DNAJC7: variants seen among roughly 807,000 people sequenced by gnomAD.
DNAJC7 encodes the protein dnaJ homolog subfamily C member 7.
In DNAJC7, 18 loss-of-function variants were observed where a neutral mutation model predicts 67.4. The observed-to-expected ratio is 0.27, with a 90% confidence interval of 0.18 to 0.40. The LOEUF (loss-of-function observed/expected upper bound fraction) is 0.40. Among genes scored for constraint, DNAJC7 ranks in the 10% least tolerant of loss-of-function variants. The pLI is 1.00. For missense variants in DNAJC7, 419 were observed against 613.8 expected (o/e 0.68, Z 3.35); for synonymous variants, 220 against 207.8 (o/e 1.06, Z -0.50).
At chr17:42,000,459 C>T (rs561228827) in intron 2 of DNAJC7, 23 bp downstream of exon 2, 18 of 1,541,068 alleles carry the variant, frequency 1.2e-5, no homozygotes, top group Admixed American at 1.1e-4. Context: ...TGTTTTCTAG[C>T]GTAAGTATCA....
At position 41,996,344 on chromosome 17, in the gene DNAJC7, T is replaced by A; in HGVS notation, c.372A>T (p.Glu124Asp). Residue 124 changes from glutamate (E) to aspartate (D), a missense_variant, in exon 4 of 14, where the codon GAA becomes GAT. Physicochemically the swap from Glu to Asp is conservative, Grantham distance 45 (BLOSUM62 2). Transcript: ENST00000457167. ...GTGCCTGAGCATTTTTATGATCCAG[T>A]TCTAGGGCTCTCTGGAAGCTGCGAC... ...AACRSFQRAL[E>D]LDHKNAQAQQ... The A allele has an allele frequency of 1.2e-6, 2 of 1,613,850 alleles. No individual in the cohort carries two copies. Among genetic ancestry groups the A allele is most frequent in the South Asian group, 2.2e-5 (2 of 91,074 alleles).
At chr17:42,007,765 C>G (rs1297086641) in intron 1 of DNAJC7, among the ~76,000 whole-genome samples, 1 of 151,000 alleles carries the variant, frequency 6.6e-6, no homozygotes, top group Non-Finnish European at 1.5e-5. Flanking sequence ...CTCAGGCAAT[C>G]CACCTCCTCA....
At chr17:41,982,932 C>T (rs2051286965) in intron 10 of DNAJC7, among the ~76,000 whole-genome samples, 1 of 151,152 alleles carries the variant, frequency 6.6e-6, no homozygotes, top group Non-Finnish European at 1.5e-5. Flanking sequence ...TGCACTCCAG[C>T]CTGGGTGACA....
chr17:41,980,924 G>T (rs557509041), intron 12 of DNAJC7, among the ~76,000 whole-genome samples: 1 of 152,156 alleles, frequency 6.6e-6, no homozygotes, highest in South Asian at 2.1e-4. Flanking sequence ...CTTATGGCCT[G>T]TGAGCTCTGA....
rs782396782 is a variant in DNAJC7, at chr17:41,982,272, G to A, written c.1214C>T (p.Ala405Val). Residue 405 changes from alanine to valine, a missense_variant, in exon 11 of 14, where the codon GCC (alanine) becomes GTC (valine). Ala to Val is a moderately conservative substitution (Grantham distance 64, BLOSUM62 0). This residue lies in a region of DNAJC7 where 161 missense variants were observed against 252.2 expected (regional missense o/e 0.64). Transcript: ENST00000457167. ...TACTCTACCTGGATGGTGCATCAAG[G>A]CCCGTTTCCGATAAGCTTTCTTGAT... is the stretch of plus-strand genomic sequence containing the variant. ...DEIKKAYRKRALMHHPDRHSG... is the reference protein window; with the variant it reads ...DEIKKAYRKRVLMHHPDRHSG... 6.2e-7 allele frequency: 1 copy of A among 1,613,942 alleles called. No individual in the cohort carries two copies. Among genetic ancestry groups the A allele is most frequent in the East Asian group, 2.2e-5 (1 of 44,858 alleles).
In DNAJC7 at chr17:41,989,414, A is replaced by G; in HGVS notation, c.743T>C (p.Ile248Thr). ...GTGACTAGAACTTACTCTGCAGGCA[A>G]TGCAGGCCTTCTCGTGGTCAGGAGC... ...RMAPDHEKAC[I>T]ACRNAKALKA... Residue 248 changes from isoleucine to threonine, a missense_variant, in exon 7 of 14, where the codon ATT (isoleucine) becomes ACT (threonine). Physicochemically the swap from Ile to Thr is moderately conservative, Grantham distance 89. This residue lies in a region of DNAJC7 where 16 missense variants were observed against 57.9 expected (regional missense o/e 0.28). Coordinates refer to ENST00000457167, the MANE Select transcript of DNAJC7 (RefSeq NM_003315.4). The G allele has an allele frequency of 6.2e-7, 1 of 1,614,008 alleles. No homozygotes were observed. Among genetic ancestry groups the G allele is most frequent in the African/African-American group, 1.3e-5 (1 of 75,058 alleles).
intron 3 of DNAJC7, among the ~76,000 whole-genome samples, 161 bp downstream of exon 3, chr17:41,996,954 C>T (rs1567963707): frequency 6.6e-6 from 1 of 152,152 alleles, no homozygotes; most frequent in African/African-American, 2.4e-5. Context: ...GATTAAAAGT[C>T]AGAGATGCTG....
chr17:41,996,652 C>T (rs2051666787), intron 3 of DNAJC7, among the ~76,000 whole-genome samples: 1 of 152,082 alleles, frequency 6.6e-6, no homozygotes, highest in African/African-American at 2.4e-5. Context: ...ACTAAAAATA[C>T]AAAAATTAGC....
chr17:42,006,811 A>AAAAAAAG (rs1357737976), intron 1 of DNAJC7, among the ~76,000 whole-genome samples: 1 of 129,062 alleles, frequency 7.7e-6, no homozygotes, highest in Non-Finnish European at 1.7e-5. Flanking sequence ...AAAAAAAAAA[A>AAAAAAAG]AAAAAAAGTC....
chr17:41,996,990 A>C, intron 3 of DNAJC7, 125 bp downstream of exon 3: 1 of 1,455,192 alleles, frequency 6.9e-7, no homozygotes, highest in South Asian at 1.3e-5. Context: ...TGCACAGTAA[A>C]GTCCCCCACA....
intron 9 of DNAJC7, chr17:41,984,477 ATT>A (rs1180024096): frequency 2.8e-5 from 4 of 142,704 alleles, no homozygotes; most frequent in Non-Finnish European, 4.6e-5. Context: ...CTAATTTTTT[ATT>A]TTTTTTTTTA....
chr17:42,014,036 T>G (rs2052194137), intron 1 of DNAJC7: 1 of 151,304 alleles, frequency 6.6e-6, no homozygotes, highest in Non-Finnish European at 1.5e-5. Flanking sequence ...CGACCTCAGG[T>G]GATCAGCCTG....
chr17:41,983,812 G>A (rs2051308969), intron 9 of DNAJC7, among the ~76,000 whole-genome samples, 176 bp from the exon 10 acceptor site: 2 of 152,154 alleles, frequency 1.3e-5, no homozygotes, highest in Non-Finnish European at 1.5e-5. Context: ...AGTCCTCAAG[G>A]AAATAAAAAG....
chr17:41,997,894 G>C (rs546888275), intron 2 of DNAJC7, among the ~76,000 whole-genome samples: 2 of 152,144 alleles, frequency 1.3e-5, no homozygotes, highest in African/African-American at 4.8e-5. Context: ...GCACAGTCTG[G>C]CTCTGTTGCC....
At chr17:42,012,209 G>C (rs1420671528) in intron 1 of DNAJC7, among the ~76,000 whole-genome samples, 3 of 152,246 alleles carry the variant, frequency 2.0e-5, no homozygotes, top group Non-Finnish European at 4.4e-5. Flanking sequence ...TTGAGGTTGG[G>C]TGTAGTGGCC....
chr17:41,981,870 C>T lies in DNAJC7; in HGVS notation c.1369G>A (p.Gly457Ser), dbSNP rs76345139. The T allele has an allele frequency of 6.2e-7, 1 of 1,613,706 alleles. No individual in the cohort carries two copies. The highest frequency in any genetic ancestry group is 8.5e-7 in the Non-Finnish European group (1 of 1,179,794). Residue 457 changes from glycine (G) to serine (S), a missense_variant, in exon 12 of 14, where the codon GGC becomes AGC. This residue lies in a region of DNAJC7 where 161 missense variants were observed against 252.2 expected (regional missense o/e 0.64). Coordinates refer to ENST00000457167, the MANE Select transcript of DNAJC7 (RefSeq NM_003315.4). The part of the protein sequence containing the change: ...YDSGQDLDEE[G>S]MNMGDFDPNN... The stretch of plus-strand genomic sequence containing the variant: ...GCCAACTCACCACCCATATTCATGC[C>T]CTCCTCATCTAGGTCCTGTCCACTG...
At chr17:42,005,802 G>C (rs1040816445) in intron 1 of DNAJC7, among the ~76,000 whole-genome samples, 1 of 151,950 alleles carries the variant, frequency 6.6e-6, no homozygotes, top group East Asian at 1.9e-4. Context: ...GTGCAGTGGC[G>C]CAATCTTGGC....
In DNAJC7 at chr17:41,990,296, C is replaced by G; in HGVS notation, c.567G>C (p.Leu189=). ...KILKAECLAM[L]GRYPEAQSVA... is the part of the protein sequence containing the mutation. ...CAGACTGTGCTTCTGGATAACGACC[C>G]AGCATTGCTAAACATTCTGCCTTGA... The change falls in exon 6 of 14, where the codon CTG becomes CTC. Residue 189 remains leucine (L), a synonymous_variant. Coordinates refer to ENST00000457167, the MANE Select transcript of DNAJC7 (RefSeq NM_003315.4). 6.2e-7 allele frequency: 1 copy of G among 1,611,368 alleles called. No homozygotes were observed. The highest frequency in any genetic ancestry group is 1.3e-5 in the African/African-American group (1 of 74,990).
At chr17:42,014,383 G>A (rs2052206143) in intron 1 of DNAJC7, 1 of 151,792 alleles carries the variant, frequency 6.6e-6, no homozygotes, top group Non-Finnish European at 1.5e-5. Context: ...GGCCAGGCTG[G>A]TCTCAAACTC....
Sources: gnomAD v4.1 joint callset for allele counts (sites outside exome capture counted in the v4.1 genomes callset) on GRCh38, gnomAD v4.1.1 for gene constraint, gnomAD v4.1.1 regional missense constraint, MANE v1.5 for transcripts, NCBI Gene and HGNC (gene_info 2026-07-23, HGNC 2026-07-21) for gene names.